TNFSF11: variants seen among roughly 807,000 people sequenced by gnomAD.
The protein encoded by TNFSF11 is tumor necrosis factor ligand superfamily member 11.
TNFSF11 carries 12 observed loss-of-function variants against 32.2 expected under a neutral mutation model. That is an observed-to-expected ratio of 0.37 (90% CI 0.24 to 0.60). The LOEUF (loss-of-function observed/expected upper bound fraction) is 0.60. TNFSF11 is among the 20% of genes least tolerant of loss of function. TNFSF11 has a pLI of 0.66. For missense variants in TNFSF11, 345 were observed against 398.0 expected (o/e 0.87, Z 1.13); for synonymous variants, 172 against 152.1 (o/e 1.13, Z -0.96).
chr13:42,603,067 C>T (rs894960022), intron 4 of TNFSF11, among the ~76,000 whole-genome samples: 1 of 152,122 alleles, frequency 6.6e-6, no homozygotes, highest in Non-Finnish European at 1.5e-5. Flanking sequence ...CTCCTTGAGT[C>T]CATTTATTAC....
chr13:42,598,582 C>T (rs1868951345), intron 2 of TNFSF11, among the ~76,000 whole-genome samples: 1 of 152,138 alleles, frequency 6.6e-6, no homozygotes, highest in Non-Finnish European at 1.5e-5. Context: ...CACACACTCC[C>T]ACACTTCCGC....
chr13:42,605,822 G>A (rs543845746), intron 4 of TNFSF11, among the ~76,000 whole-genome samples: 2 of 152,338 alleles, frequency 1.3e-5, no homozygotes, highest in East Asian at 3.9e-4. Flanking sequence ...AGACACTTGG[G>A]CTACTGGAGG....
At chr13:42,579,248 A>AAATTAGCC (rs1206089005) in intron 1 of TNFSF11, among the ~76,000 whole-genome samples, 1 of 151,992 alleles carries the variant, frequency 6.6e-6, no homozygotes, top group Non-Finnish European at 1.5e-5. Flanking sequence ...AAAAAGGAAG[A>AAATTAGCC]AATTAGCCAA....
chr13:42,605,579 GAAGGTTCTTTAGA>G (rs147414174), intron 4 of TNFSF11, among the ~76,000 whole-genome samples: 7,452 of 152,280 alleles, frequency 0.049, 230 homozygotes, highest in Non-Finnish European at 0.073. Flanking sequence ...TGCTGGTTTA[GAAGGTTCTTTAGA>G]AATTTTTACT....
Position 42,607,074 on chromosome 13 carries a change from C to A in TNFSF11, c.*156C>A. ...CATGCTCTTGACCTTGTAGAGAACACGCGTATTTACAGCCAGTGGGAGATG... is the reference window on the plus strand; with the variant it reads ...CATGCTCTTGACCTTGTAGAGAACAAGCGTATTTACAGCCAGTGGGAGATG... On this transcript the variant is annotated 3_prime_UTR_variant, in exon 5 of 5. Transcript: ENST00000398795. The A allele has an allele frequency of 1.1e-6, 1 of 874,220 alleles. No homozygotes were observed. Among genetic ancestry groups the A allele is most frequent in the Non-Finnish European group, 1.7e-6 (1 of 573,050 alleles). 54.2% of individuals were successfully genotyped at this position (874,220 alleles called of 1,614,324 possible).
chr13:42,574,869 T>TTAAG (rs879589165), intron 1 of TNFSF11, among the ~76,000 whole-genome samples: 25 of 152,360 alleles, frequency 1.6e-4, no homozygotes, highest in Non-Finnish European at 3.1e-4. Flanking sequence ...TTTCTCCCTG[T>TTAAG]CATTTCTCAC....
chr13:42,574,447 G>A lies in TNFSF11; in HGVS notation c.144G>A (p.Met48Ile). The change falls in exon 1 of 5, where the codon ATG becomes ATA. Residue 48 changes from methionine to isoleucine, a missense_variant. Physicochemically the swap from Met to Ile is conservative, Grantham distance 10. Around this residue, in one of 2 missense-constraint regions of TNFSF11, gnomAD observed 197 missense variants for 182.0 expected, o/e 1.08. Coordinates refer to ENST00000398795, the MANE Select transcript of TNFSF11 (RefSeq NM_003701.4). ...PHQPPAASRS[M>I]FVALLGLGLG... is the part of the protein sequence containing the mutation. ...AGCCCCCTGCCGCCTCCCGCTCCAT[G>A]TTCGTGGCCCTCCTGGGGCTGGGGC... 6.2e-7 allele frequency: 1 copy of A among 1,607,942 alleles called. No individual in the cohort carries two copies.
At chr13:42,569,509 C>T (rs1872980408), upstream of TNFSF11, among the ~76,000 whole-genome samples, 1 of 148,326 alleles carries the variant, frequency 6.7e-6, no homozygotes, top group Non-Finnish European at 1.5e-5. Context: ...GATTGCGCCA[C>T]TGCACTCCAG....
chr13:42,576,353 C>T (rs1873313762), intron 1 of TNFSF11, among the ~76,000 whole-genome samples: 1 of 151,988 alleles, frequency 6.6e-6, no homozygotes, highest in South Asian at 2.1e-4. Flanking sequence ...TAGGAATTCT[C>T]GGTGGTCCCC....
rs71202227 is a variant in TNFSF11, at chr13:42,583,444, G to GAAAAAAAAAAAAAAAAAAAA, written c.387+2153_387+2154insAAAAAAAAAAAAAAAAAAAA. ...AAAAAAAAAAAAAAAAAAAAGAAAG[G>GAAAAAAAAAAAAAAAAAAAA]AAGAAAGGAAGGAAGGAAAAAGATT... On this transcript the variant is annotated intron_variant, in intron 2 of 4. Transcript: ENST00000398795. Among the ~76,000 whole-genome samples the GAAAAAAAAAAAAAAAAAAAA allele has an allele frequency of 7.0e-4, 67 of 95,608 alleles. 2 individuals carry two copies. The highest frequency in any genetic ancestry group is 2.5e-3 in the African/African-American group (53 of 21,526). 62.7% of individuals were successfully genotyped at this position (95,608 alleles called of 152,430 possible).
chr13:42,589,466 C>T (rs570418455), intron 2 of TNFSF11, among the ~76,000 whole-genome samples: 1 of 152,284 alleles, frequency 6.6e-6, no homozygotes, highest in East Asian at 1.9e-4. Context: ...CTGAACAGGT[C>T]ATTTCTTTTC....
intron 4 of TNFSF11, 100 bp from the exon 5 acceptor site, chr13:42,606,397 G>T: frequency 1.5e-6 from 2 of 1,371,190 alleles, no homozygotes; most frequent in East Asian, 2.3e-5. Flanking sequence ...TTGAAATAAT[G>T]ACTGCTATAC....
chr13:42,599,349 C>CTATCT (rs11385072), intron 2 of TNFSF11, among the ~76,000 whole-genome samples: 7,546 of 112,014 alleles, frequency 0.067, 302 homozygotes, highest in East Asian at 0.1. Flanking sequence ...ATCTATCTAT[C>CTATCT]ATCTATCTAT....
chr13:42,597,814 A>G (rs923003841), intron 2 of TNFSF11, among the ~76,000 whole-genome samples: 2 of 152,146 alleles, frequency 1.3e-5, no homozygotes, highest in Non-Finnish European at 2.9e-5. Context: ...CCACTGAGCT[A>G]GGACAAAGGC....
At chr13:42,588,547 G>A (rs1458399739) in intron 2 of TNFSF11, among the ~76,000 whole-genome samples, 1 of 152,206 alleles carries the variant, frequency 6.6e-6, no homozygotes, top group Admixed American at 6.5e-5. Context: ...ATGACAGCAA[G>A]GGATAGATTG....
At chr13:42,603,506 A>C (rs1282981729) in intron 4 of TNFSF11, among the ~76,000 whole-genome samples, 4 of 152,140 alleles carry the variant, frequency 2.6e-5, no homozygotes, top group African/African-American at 4.8e-5. Context: ...TCCTCTCTTC[A>C]CACTGACTGG....
At chr13:42,574,087 C>G (rs1412021668), upstream of TNFSF11, 3 of 591,292 alleles carry the variant, frequency 5.1e-6, no homozygotes, top group African/African-American at 2.0e-5. Context: ...TCGCCTGGGG[C>G]TGATTGGCTC....
upstream of TNFSF11, chr13:42,574,134 G>A (rs1350512280): frequency 5.1e-5 from 42 of 815,952 alleles, no homozygotes; most frequent in Non-Finnish European, 8.1e-5. Context: ...TATAAGAGTT[G>A]GGGCTGCCGG....
At chr13:42,590,106 T>C (rs780160160) in intron 2 of TNFSF11, among the ~76,000 whole-genome samples, 2 of 152,094 alleles carry the variant, frequency 1.3e-5, no homozygotes, top group African/African-American at 2.4e-5. Flanking sequence ...AAGGACAGGG[T>C]CTGTGGGATG....
Sources: allele counts gnomAD v4.1 joint callset (sites outside exome capture counted in the v4.1 genomes callset), GRCh38; gene constraint gnomAD v4.1.1; regional missense constraint gnomAD v4.1.1; transcripts MANE v1.5; gene names NCBI Gene and HGNC (gene_info 2026-07-23, HGNC 2026-07-21).